The following TYW1B variants were observed in gnomAD, a reference collection of about 807,000 sequenced individuals.
The protein encoded by TYW1B is tRNA-yW synthesizing protein 1 homolog B, also known as S-adenosyl-L-methionine-dependent tRNA 4-demethylwyosine synthase TYW1B.
TYW1B carries 73 observed loss-of-function variants against 86.9 expected under a neutral mutation model. The observed-to-expected ratio is 0.84, with a 90% CI of 0.70 to 1.02. The LOEUF (loss-of-function observed/expected upper bound fraction) is 1.02. Among genes scored for constraint, TYW1B ranks in the 50% least tolerant of loss-of-function variants. TYW1B has a pLI of 0.00. For missense variants in TYW1B, 637 were observed against 827.4 expected, an observed-to-expected ratio of 0.77 and a Z score of 2.82; for synonymous variants, 248 against 292.8, an observed-to-expected ratio of 0.85 and a Z score of 1.56.
chr7:72,613,401 C>CAT (rs1811985210), intron 13 of TYW1B, among the ~76,000 whole-genome samples: 1 of 80,966 alleles, frequency 1.2e-5, no homozygotes, highest in Non-Finnish European at 2.2e-5. Context: ...TTTATATCTT[C>CAT]TTTTTTTTTT....
At chr7:72,618,806 C>T (rs1340553910) in intron 12 of TYW1B, among the ~76,000 whole-genome samples, 2 of 152,102 alleles carry the variant, frequency 1.3e-5, no homozygotes, top group Non-Finnish European at 2.9e-5. Flanking sequence ...AAGAAACCAA[C>T]GACTAACAGA....
chr7:72,804,657 G>C (rs1554476315), intron 5 of TYW1B, among the ~76,000 whole-genome samples: 1 of 152,154 alleles, frequency 6.6e-6, no homozygotes. Flanking sequence ...GGGCAACACA[G>C]TGGGACCTCA....
intron 11 of TYW1B, among the ~76,000 whole-genome samples, chr7:72,686,116 C>T (rs1814000894): frequency 6.6e-6 from 1 of 152,144 alleles, no homozygotes; most frequent in African/African-American, 2.4e-5. Context: ...CATGGGAATA[C>T]AAAATGGTAC....
intron 4 of TYW1B, among the ~76,000 whole-genome samples, chr7:72,810,188 G>C (rs1316357255): frequency 1.3e-5 from 2 of 152,076 alleles, no homozygotes; most frequent in African/African-American, 4.8e-5. Context: ...TGAGGCAGGA[G>C]AATCACTTGA....
At chr7:72,592,166 A>T (rs1313671073) in intron 13 of TYW1B, among the ~76,000 whole-genome samples, 4 of 119,232 alleles carry the variant, frequency 3.4e-5, no homozygotes, top group Non-Finnish European at 7.5e-5. Context: ...GTGTTAAAAA[A>T]AAAAAAAAAA....
Position 72,802,519 on chromosome 7 carries a change from C to T in TYW1B, c.727G>A (p.Glu243Lys), listed in dbSNP as rs782394287. Residue 243 changes from glutamate to lysine, a missense_variant, in exon 6 of 14, where the codon GAA (glutamate) becomes AAA (lysine). Coordinates refer to ENST00000620995, the MANE Select transcript of TYW1B (RefSeq NM_001145440.3). ...DELHHRDTKEEEPFESSSEEE... is the reference protein window; with the variant it reads ...DELHHRDTKEKEPFESSSEEE... ...TCACTGGAGCTCTCGAAGGGTTCTTCCTCCTGGAAGAGAAATGCTTCAGAA... is the reference window on the plus strand; with the variant it reads ...TCACTGGAGCTCTCGAAGGGTTCTTTCTCCTGGAAGAGAAATGCTTCAGAA... 3 of 1,613,772 alleles carry T rather than the reference C, an allele frequency of 1.9e-6. No homozygotes were observed. In the South Asian group the frequency reaches 3.3e-5, roughly 18 times the overall value.
chr7:72,632,388 GTATATATATATAATA>G (rs1812538284), intron 11 of TYW1B, among the ~76,000 whole-genome samples: 2 of 70,324 alleles, frequency 2.8e-5, no homozygotes, highest in African/African-American at 1.6e-4. Flanking sequence ...ATATATATAC[GTATATATATATAATA>G]TATATATACA....
chr7:72,693,621 C>T (rs1814228324), intron 11 of TYW1B, among the ~76,000 whole-genome samples: 1 of 151,888 alleles, frequency 6.6e-6, no homozygotes, highest in African/African-American at 2.4e-5. Context: ...TCTTGAACTC[C>T]TGACCTCAAG....
intron 9 of TYW1B, among the ~76,000 whole-genome samples, chr7:72,720,185 G>A (rs1285514369): frequency 6.6e-6 from 1 of 152,098 alleles, no homozygotes; most frequent in Non-Finnish European, 1.5e-5. Context: ...AGAGTGAGAG[G>A]GCTCAATGAT....
Position 72,752,094 on chromosome 7 carries a change from G to T in TYW1B, c.965-7493C>A, listed in dbSNP as rs961397914. On this transcript the variant is annotated intron_variant, in intron 7 of 13. Transcript: ENST00000620995. ...TCTCAGACCCACAAGGACAAAGAGGGTCCCCCAGCTGGGCCACTTGTGGTG... is the reference window on the plus strand; with the variant it reads ...TCTCAGACCCACAAGGACAAAGAGGTTCCCCCAGCTGGGCCACTTGTGGTG... Among the ~76,000 whole-genome samples, 28 of 152,170 alleles carry T rather than the reference G, an allele frequency of 1.8e-4. 1 individual carries two copies. The highest frequency in any genetic ancestry group is 1.0e-3 in the Admixed American group (16 of 15,270).
intron 13 of TYW1B, 43 bp from the exon 14 acceptor site, chr7:72,575,762 C>G (rs782343390): frequency 6.4e-7 from 1 of 1,572,318 alleles, no homozygotes; most frequent in East Asian, 2.3e-5. Flanking sequence ...AAAAACATCC[C>G]TAGAAAAAAA....
intron 11 of TYW1B, among the ~76,000 whole-genome samples, chr7:72,677,033 T>C (rs1813751959): frequency 6.6e-6 from 1 of 152,098 alleles, no homozygotes. Context: ...GTGATGACAA[T>C]GTTCTCGAGT....
chr7:72,648,412 G>T (rs1457057676), intron 11 of TYW1B, among the ~76,000 whole-genome samples: 1 of 151,882 alleles, frequency 6.6e-6, no homozygotes, highest in African/African-American at 2.4e-5. Context: ...ACTTGGTAGC[G>T]CATGCCTGTA....
At chr7:72,719,084 T>C (rs1261305482) in intron 9 of TYW1B, among the ~76,000 whole-genome samples, 2 of 152,088 alleles carry the variant, frequency 1.3e-5, no homozygotes, top group African/African-American at 4.8e-5. Context: ...GCCCAGCACA[T>C]ACACATGCAA....
intron 7 of TYW1B, among the ~76,000 whole-genome samples, chr7:72,760,873 G>C (rs528709386): frequency 6.6e-6 from 1 of 152,266 alleles, no homozygotes; most frequent in Non-Finnish European, 1.5e-5. Context: ...ATCTTCGTTT[G>C]TGTAATGTTT....
intron 6 of TYW1B, among the ~76,000 whole-genome samples, chr7:72,801,657 T>C (rs73129485): frequency 0.99 from 150,146 of 152,182 alleles, 74,074 homozygotes; most frequent in East Asian, 1. Context: ...ATGTACAATA[T>C]TACTTCAATT....
chr7:72,827,974 G>C (rs1444056792), intron 1 of TYW1B, 98 bp downstream of exon 1: 159 of 1,583,450 alleles, frequency 1.0e-4, no homozygotes, highest in Non-Finnish European at 1.3e-5. Flanking sequence ...AGTCTCCGAA[G>C]GAAGGGGACC....
At chr7:72,670,589 T>C (rs1813576013) in intron 11 of TYW1B, among the ~76,000 whole-genome samples, 2 of 152,224 alleles carry the variant, frequency 1.3e-5, no homozygotes, top group South Asian at 4.1e-4. Flanking sequence ...TTGGCCAAGG[T>C]TGCATAGCTA....
intron 6 of TYW1B, among the ~76,000 whole-genome samples, chr7:72,789,280 T>C (rs1554473022): frequency 6.6e-6 from 1 of 152,152 alleles, no homozygotes; most frequent in African/African-American, 2.4e-5. Context: ...ACTACATGCA[T>C]GTGCCACCAC....
Sources: allele counts gnomAD v4.1 joint callset (sites outside exome capture counted in the v4.1 genomes callset), GRCh38; gene constraint gnomAD v4.1.1; transcripts MANE v1.5; gene names NCBI Gene and HGNC (gene_info 2026-07-23, HGNC 2026-07-21).